CMSS1: variants seen among roughly 807,000 people sequenced by gnomAD.
CMSS1 encodes cms1 ribosomal small subunit homolog.
In CMSS1, 33 loss-of-function variants were observed where a neutral mutation model predicts 43.5. The observed-to-expected ratio is 0.76, with a 90% confidence interval of 0.57 to 1.01. The LOEUF (loss-of-function observed/expected upper bound fraction) is 1.01. Ranked by LOEUF, CMSS1 falls within the 50% of genes least tolerant of loss-of-function variation. The pLI is 0.00. For missense variants in CMSS1, 313 were observed against 326.4 expected (o/e 0.96, Z 0.32); for synonymous variants, 115 against 117.2 (o/e 0.98, Z 0.12).
At chr3:99,925,304 C>CT (rs921333277) in intron 1 of CMSS1, among the ~76,000 whole-genome samples, 2 of 152,168 alleles carry the variant, frequency 1.3e-5, no homozygotes, top group Non-Finnish European at 2.9e-5. Flanking sequence ...ATACTTACAT[C>CT]TTTTTTACAA....
intron 8 of CMSS1, among the ~76,000 whole-genome samples, chr3:100,174,324 C>A (rs2067132033): frequency 6.6e-6 from 1 of 152,122 alleles, no homozygotes; most frequent in East Asian, 1.9e-4. Context: ...CCAGCCCCTC[C>A]TGGAATCCAG....
At chr3:99,822,766 A>C (rs79669825) in intron 1 of CMSS1, among the ~76,000 whole-genome samples, 8,390 of 152,182 alleles carry the variant, frequency 0.055, 309 homozygotes, top group Non-Finnish European at 0.085. Flanking sequence ...AATAGTAATA[A>C]TACCAGCTTG....
chr3:100,066,284 A>G (rs2065661840), intron 1 of CMSS1, among the ~76,000 whole-genome samples: 1 of 152,138 alleles, frequency 6.6e-6, no homozygotes, highest in Non-Finnish European at 1.5e-5. Context: ...AGAGTCAATC[A>G]CTCATTTATA....
intron 1 of CMSS1, among the ~76,000 whole-genome samples, chr3:99,862,879 G>A (rs1944329017): frequency 6.6e-6 from 1 of 152,214 alleles, no homozygotes; most frequent in Non-Finnish European, 1.5e-5. Flanking sequence ...GAATGATGCT[G>A]TGAATGTCCA....
At chr3:99,863,080 G>A (rs778046288) in intron 1 of CMSS1, among the ~76,000 whole-genome samples, 4 of 152,156 alleles carry the variant, frequency 2.6e-5, no homozygotes, top group South Asian at 2.1e-4. Context: ...TGGCACCAGG[G>A]ACCAGTTTTG....
intron 1 of CMSS1, among the ~76,000 whole-genome samples, chr3:100,014,912 T>TTTTTTTTTTTTTTTTTTTTTTTTTTTTC (rs1710293383): frequency 6.9e-6 from 1 of 144,668 alleles, no homozygotes; most frequent in African/African-American, 2.5e-5. Flanking sequence ...TTTTTTTTTT[T>TTTTTTTTTTTTTTTTTTTTTTTTTTTTC]TTTTTTGCCC....
chr3:100,061,341 A>T (rs1461080317), intron 1 of CMSS1, among the ~76,000 whole-genome samples: 2 of 152,208 alleles, frequency 1.3e-5, no homozygotes, highest in Non-Finnish European at 2.9e-5. Flanking sequence ...GACATTCGAA[A>T]ATCTTCACAG....
chr3:99,957,071 T>C (rs1436412813), intron 1 of CMSS1, among the ~76,000 whole-genome samples: 1 of 152,228 alleles, frequency 6.6e-6, no homozygotes, highest in Non-Finnish European at 1.5e-5. Flanking sequence ...CTCTTAACCC[T>C]GCTTAACATA....
chr3:100,168,216 G>A (rs1483190786), intron 6 of CMSS1, among the ~76,000 whole-genome samples: 1 of 152,144 alleles, frequency 6.6e-6, no homozygotes, highest in Non-Finnish European at 1.5e-5. Flanking sequence ...GGGAGAGTAA[G>A]CACAAAAGAC....
chr3:100,118,832 C>T (rs2066597196), intron 1 of CMSS1, among the ~76,000 whole-genome samples: 1 of 152,152 alleles, frequency 6.6e-6, no homozygotes, highest in Non-Finnish European at 1.5e-5. Flanking sequence ...TATCATCCTA[C>T]AGATAACTGA....
chr3:99,910,006 G>GT (rs1706742881), intron 1 of CMSS1, among the ~76,000 whole-genome samples: 1 of 85,074 alleles, frequency 1.2e-5, no homozygotes, highest in African/African-American at 3.1e-5. Context: ...CTGAAATTTT[G>GT]TTTAAGAATA....
intron 1 of CMSS1, among the ~76,000 whole-genome samples, chr3:100,096,262 A>T (rs114748258): frequency 0.011 from 1,663 of 152,258 alleles, 19 homozygotes; most frequent in Non-Finnish European, 0.014. Context: ...ACTACTAGGT[A>T]CATACCCCAA....
intron 1 of CMSS1, among the ~76,000 whole-genome samples, chr3:100,052,677 C>T (rs2065394137): frequency 6.6e-6 from 1 of 152,114 alleles, no homozygotes; most frequent in Non-Finnish European, 1.5e-5. Context: ...ATGTTTCTTT[C>T]TATAACCACA....
At chr3:100,165,520 G>A (rs142641631) in intron 4 of CMSS1, among the ~76,000 whole-genome samples, 1 of 152,004 alleles carries the variant, frequency 6.6e-6, no homozygotes, top group East Asian at 1.9e-4. Flanking sequence ...TAATGCTTTC[G>A]TTCTGTTTCT....
chr3:99,845,647 A>T (rs2107514813), intron 1 of CMSS1, among the ~76,000 whole-genome samples: 1 of 152,320 alleles, frequency 6.6e-6, no homozygotes, highest in African/African-American at 2.4e-5. Flanking sequence ...CACACAAAAA[A>T]ATATAAGAAA....
intron 3 of CMSS1, 136 bp from the exon 4 acceptor site, chr3:100,162,167 A>G (rs1295099412): frequency 4.9e-6 from 3 of 613,398 alleles, no homozygotes; most frequent in Non-Finnish European, 8.2e-6. Flanking sequence ...TCTCAAATGT[A>G]TTTATTAAAA....
intron 1 of CMSS1, among the ~76,000 whole-genome samples, chr3:100,083,465 A>G (rs1559751782): frequency 2.0e-5 from 3 of 152,206 alleles, no homozygotes; most frequent in African/African-American, 4.8e-5. Flanking sequence ...TATTTTAGCA[A>G]GCTCTCCGTC....
rs34665880 is a variant in CMSS1 at position 100,020,760 on chromosome 3, C to CTTTT, written c.65-126191_65-126188dup. Among the ~76,000 whole-genome samples the CTTTT allele has an allele frequency of 3.7e-3, 264 of 70,998 alleles. 11 individuals are homozygous for CTTTT. The highest frequency in any genetic ancestry group is 7.0e-3 in the African/African-American group (120 of 17,048). The allele number at this position is 70,998 out of a possible 152,430, so 46.6% of individuals were successfully genotyped here. ...TTTTTAGAAAGTAATGAATAATTAGCTTTTTTTTTTTTTTTTTTTTTTTTT... is the reference window on the plus strand; with the variant it reads ...TTTTTAGAAAGTAATGAATAATTAGCTTTTTTTTTTTTTTTTTTTTTTTTTTTTT... On this transcript the variant is annotated intron_variant, in intron 1 of 9. Transcript: ENST00000421999.
At chr3:99,977,791 T>G (rs551272829) in intron 1 of CMSS1, among the ~76,000 whole-genome samples, 9 of 152,294 alleles carry the variant, frequency 5.9e-5, no homozygotes, top group African/African-American at 1.9e-4. Flanking sequence ...CTAGTTAACT[T>G]ACTTTGTCTG....
Sources: allele counts gnomAD v4.1 joint callset (sites outside exome capture counted in the v4.1 genomes callset), GRCh38; gene constraint gnomAD v4.1.1; transcripts MANE v1.5; gene names NCBI Gene and HGNC (gene_info 2026-07-23, HGNC 2026-07-21).